PDSS2: variants seen among roughly 807,000 people sequenced by gnomAD.
PDSS2 encodes the protein decaprenyl diphosphate synthase subunit 2.
In PDSS2, 31 loss-of-function variants were observed where a neutral mutation model predicts 44.5. The ratio of observed to expected loss-of-function variants is 0.70; its 90% CI spans 0.52 to 0.94. PDSS2 has a LOEUF of 0.94. Ranked by LOEUF, PDSS2 falls within the 40% of genes least tolerant of loss-of-function variation. PDSS2 has a pLI of 0.00. For synonymous variants in PDSS2, 157 were observed against 180.3 expected (o/e 0.87, Z 1.03); for missense variants, 452 against 482.2 (o/e 0.94, Z 0.59).
At chr6:107,211,094 T>C (rs1442370879) in intron 5 of PDSS2, among the ~76,000 whole-genome samples, 1 of 152,028 alleles carries the variant, frequency 6.6e-6, no homozygotes, top group Non-Finnish European at 1.5e-5. Flanking sequence ...TGGTCTTTAT[T>C]TTACTTTTTA....
At chr6:107,334,982 T>A (rs1161937351) in intron 1 of PDSS2, among the ~76,000 whole-genome samples, 6 of 151,650 alleles carry the variant, frequency 4.0e-5, no homozygotes, top group Admixed American at 3.3e-4. Context: ...TGAAACCCCG[T>A]CCTTACAAAA....
At chr6:107,354,838 A>T (rs891831196) in intron 1 of PDSS2, among the ~76,000 whole-genome samples, 1 of 152,230 alleles carries the variant, frequency 6.6e-6, no homozygotes, top group South Asian at 2.1e-4. Context: ...CTGCAAAATA[A>T]TATTTGGTAA....
chr6:107,251,106 G>A (rs948517802), intron 3 of PDSS2, among the ~76,000 whole-genome samples: 5 of 152,010 alleles, frequency 3.3e-5, no homozygotes, highest in Non-Finnish European at 7.4e-5. Flanking sequence ...TGCCTGCCTC[G>A]GCCTCCCAAA....
intron 7 of PDSS2, among the ~76,000 whole-genome samples, chr6:107,189,687 G>T (rs1389667876): frequency 6.6e-6 from 1 of 152,158 alleles, no homozygotes; most frequent in Non-Finnish European, 1.5e-5. Context: ...CACAGTGACT[G>T]TTACCAGATT....
chr6:107,447,129 C>T (rs369262566), intron 1 of PDSS2, among the ~76,000 whole-genome samples: 21 of 152,012 alleles, frequency 1.4e-4, no homozygotes, highest in Middle Eastern at 3.4e-3. Flanking sequence ...GTCAGGAGAT[C>T]GAGACCATCC....
chr6:107,304,740 A>G (rs748636022), intron 2 of PDSS2, among the ~76,000 whole-genome samples: 1 of 152,242 alleles, frequency 6.6e-6, no homozygotes, highest in African/African-American at 2.4e-5. Context: ...CTTTCCATTT[A>G]AATAAATCTT....
chr6:107,307,826 A>G lies in PDSS2; in HGVS notation c.431+26372T>C, dbSNP rs971459189. Among the ~76,000 whole-genome samples the G allele has an allele frequency of 3.3e-5, 5 of 152,182 alleles. No homozygotes were observed. In the East Asian group the frequency reaches 5.8e-4, roughly 18 times the overall value. On this transcript the variant is annotated intron_variant, in intron 2 of 7. Coordinates refer to ENST00000369037, the MANE Select transcript of PDSS2 (RefSeq NM_020381.4). ...CTCTGCATTCTTAGACTTTCTTCCAATGAAGTTCAATCACTTAAAGAGTAA... is the reference window on the plus strand; with the variant it reads ...CTCTGCATTCTTAGACTTTCTTCCAGTGAAGTTCAATCACTTAAAGAGTAA...
intron 6 of PDSS2, among the ~76,000 whole-genome samples, chr6:107,205,233 TA>T (rs1772931748): frequency 6.6e-6 from 1 of 152,214 alleles, no homozygotes; most frequent in Non-Finnish European, 1.5e-5. Flanking sequence ...TGGTAATTTG[TA>T]GTACACTTAA....
chr6:107,447,404 C>T (rs1781722572), intron 1 of PDSS2, among the ~76,000 whole-genome samples: 1 of 152,302 alleles, frequency 6.6e-6, no homozygotes, highest in Non-Finnish European at 1.5e-5. Context: ...GGGCTACAGG[C>T]ACTGGGTAAA....
At chr6:107,333,205 G>C (rs1416594299) in intron 2 of PDSS2, among the ~76,000 whole-genome samples, 6 of 152,112 alleles carry the variant, frequency 3.9e-5, no homozygotes, top group Non-Finnish European at 7.3e-5. Flanking sequence ...CATATTGTTA[G>C]GCTGGTTTTA....
intron 1 of PDSS2, among the ~76,000 whole-genome samples, chr6:107,437,350 C>A (rs149378956): frequency 4.6e-5 from 7 of 152,100 alleles, no homozygotes; most frequent in Non-Finnish European, 1.0e-4. Flanking sequence ...CATGGCGAAA[C>A]CCTGTCTTTA....
intron 1 of PDSS2, among the ~76,000 whole-genome samples, chr6:107,371,689 C>T (rs1458577056): frequency 1.3e-5 from 2 of 152,276 alleles, no homozygotes; most frequent in African/African-American, 2.4e-5. Flanking sequence ...ACAGACAGCT[C>T]CAAGACCAAG....
intron 3 of PDSS2, among the ~76,000 whole-genome samples, chr6:107,251,619 T>C (rs975038272): frequency 6.6e-6 from 1 of 152,194 alleles, no homozygotes; most frequent in African/African-American, 2.4e-5. Context: ...TAAAACACTC[T>C]TGGGGAAGAA....
rs1476658817 is a variant in PDSS2 at position 107,274,057 on chromosome 6, T to C, written c.602A>G (p.Asn201Ser). The change falls in exon 3 of 8, where the codon AAT becomes AGT. Residue 201 changes from asparagine (N) to serine (S), a missense_variant. Physicochemically the swap from Asn to Ser is conservative, Grantham distance 46. Transcript: ENST00000369037. Reference protein sequence around the residue: ...SGDFLLANACNGLALLQNTKV... With the variant: ...SGDFLLANACSGLALLQNTKV... ...GGTGTTCTGTAGCAGAGCTAGTCCATTGCAGGCATTTGCTAGAAGAAAGTC... is the reference window on the plus strand; with the variant it reads ...GGTGTTCTGTAGCAGAGCTAGTCCACTGCAGGCATTTGCTAGAAGAAAGTC... 6.2e-6 allele frequency: 10 copies of C among 1,614,010 alleles called. No individual in the cohort carries two copies. In the Admixed American group the frequency reaches 6.7e-5, roughly 11 times the overall value.
intron 7 of PDSS2, among the ~76,000 whole-genome samples, chr6:107,186,932 G>T (rs1162431230): frequency 6.6e-6 from 1 of 152,168 alleles, no homozygotes; most frequent in African/African-American, 2.4e-5. Flanking sequence ...TGAAATGGCT[G>T]CTGAGTTTTT....
chr6:107,405,977 C>A (rs1202248167), intron 1 of PDSS2, among the ~76,000 whole-genome samples: 2 of 152,016 alleles, frequency 1.3e-5, no homozygotes, highest in Admixed American at 1.3e-4. Context: ...GATGGTTATA[C>A]CAAAAGCCTA....
intron 4 of PDSS2, among the ~76,000 whole-genome samples, chr6:107,223,843 A>G (rs1208036949): frequency 6.7e-6 from 1 of 150,374 alleles, no homozygotes; most frequent in East Asian, 1.9e-4. Flanking sequence ...CAGAGTCTAG[A>G]GCAGGGGTCC....
intron 1 of PDSS2, among the ~76,000 whole-genome samples, chr6:107,403,238 C>T (rs1411194526): frequency 6.6e-6 from 1 of 152,188 alleles, no homozygotes; most frequent in Non-Finnish European, 1.5e-5. Flanking sequence ...GTCATTAAAC[C>T]TTAAAGTTCC....
rs151049542 is a variant in PDSS2 at position 107,397,296 on chromosome 6, T to C, written c.296+61694A>G. 1.4e-3 allele frequency among the ~76,000 whole-genome samples: 212 copies of C among 152,154 alleles called. 3 individuals are homozygous for C. The highest frequency in any genetic ancestry group is 4.8e-3 in the African/African-American group (199 of 41,528). On this transcript the variant is annotated intron_variant, in intron 1 of 7. Transcript: ENST00000369037. ...CACTAGCACTAATAGTACAAAAGCATTGGAAGGTAAAACTGTTGGAGACTT... is the reference window on the plus strand; with the variant it reads ...CACTAGCACTAATAGTACAAAAGCACTGGAAGGTAAAACTGTTGGAGACTT...
Sources: allele counts gnomAD v4.1 joint callset (sites outside exome capture counted in the v4.1 genomes callset), GRCh38; gene constraint gnomAD v4.1.1; transcripts MANE v1.5; gene names NCBI Gene and HGNC (gene_info 2026-07-23, HGNC 2026-07-21).